The following KLHDC4 variants were observed in gnomAD, a reference collection of about 807,000 sequenced individuals.
The protein encoded by KLHDC4 is kelch domain containing 4, also known as kelch domain-containing protein 4.
In KLHDC4, 90 loss-of-function variants were observed where a neutral mutation model predicts 62.4. The observed-to-expected ratio is 1.44, with a 90% CI of 1.22 to 1.72. The LOEUF is 1.72. Ranked by LOEUF, KLHDC4 falls within the 40% of genes most tolerant of loss-of-function variation. The pLI, the probability that KLHDC4 is intolerant of heterozygous loss-of-function variation, is 0.00. For synonymous variants in KLHDC4, 386 were observed against 284.4 expected (o/e 1.36, Z -3.59); for missense variants, 1,025 against 699.7 (o/e 1.47, Z -5.25).
intron 5 of KLHDC4, among the ~76,000 whole-genome samples, chr16:87,732,426 G>A: frequency 6.6e-6 from 1 of 152,056 alleles, no homozygotes; most frequent in Middle Eastern, 3.2e-3. Context: ...ACTCATCTAA[G>A]TGTACATCTA....
At chr16:87,700,611 G>T (rs1350247060) in exon 1 of KLHDC4, 1 of 204,556 alleles carries the variant, frequency 4.9e-6, no homozygotes, top group Non-Finnish European at 9.8e-6. Context: ...GTGGAGGGAG[G>T]AAACAGGGTG....
At chr16:87,749,113 C>T (rs372769677) in intron 4 of KLHDC4, among the ~76,000 whole-genome samples, 1 of 151,770 alleles carries the variant, frequency 6.6e-6, no homozygotes, top group Non-Finnish European at 1.5e-5. Context: ...CTAGTTACTT[C>T]AAACATTAAC....
At chr16:87,746,142 C>T (rs1465778899) in intron 5 of KLHDC4, among the ~76,000 whole-genome samples, 2 of 152,020 alleles carry the variant, frequency 1.3e-5, no homozygotes, top group Non-Finnish European at 2.9e-5. Context: ...CGGTGGTGCA[C>T]GCCTGTAATC....
At chr16:87,757,054 A>C (rs572856061) in intron 2 of KLHDC4, among the ~76,000 whole-genome samples, 7 of 151,992 alleles carry the variant, frequency 4.6e-5, no homozygotes, top group Admixed American at 6.6e-5. Flanking sequence ...ACCTCAAGTG[A>C]TCTGCCCACC....
intron 7 of KLHDC4, among the ~76,000 whole-genome samples, chr16:87,721,984 G>C (rs1279020575): frequency 1.3e-5 from 2 of 152,130 alleles, no homozygotes; most frequent in Non-Finnish European, 2.9e-5. Context: ...CCAAAGAGCT[G>C]TGCTGGTTCC....
chr16:87,713,831 CCT>C (rs1438107483), intron 8 of KLHDC4, among the ~76,000 whole-genome samples: 1 of 152,156 alleles, frequency 6.6e-6, no homozygotes, highest in African/African-American at 2.4e-5. Context: ...TGATTGTTCC[CCT>C]GTGCTTTAGT....
chr16:87,709,113 T>C (rs770195866), intron 10 of KLHDC4, 152 bp downstream of exon 10: 19 of 1,015,420 alleles, frequency 1.9e-5, no homozygotes, highest in Non-Finnish European at 2.6e-5. Context: ...GGTCCTGTTC[T>C]CCGTCAATCT....
chr16:87,763,723 C>T (rs556266171), intron 1 of KLHDC4: 3 of 152,348 alleles, frequency 2.0e-5, no homozygotes, highest in South Asian at 2.1e-4. Flanking sequence ...CTATGTACCG[C>T]GAAAGCTTTG....
At chr16:87,715,335 C>T (rs1023954355) in intron 7 of KLHDC4, among the ~76,000 whole-genome samples, 2 of 152,196 alleles carry the variant, frequency 1.3e-5, no homozygotes, top group African/African-American at 4.8e-5. Flanking sequence ...AGCTCTCACA[C>T]GCCCACACCA....
chr16:87,728,113 C>G (rs4843685), intron 6 of KLHDC4, among the ~76,000 whole-genome samples: 25,794 of 152,006 alleles, frequency 0.17, 2,203 homozygotes, highest in South Asian at 0.22. Flanking sequence ...TTTGAACCTA[C>G]GAGGTGGAGG....
At chr16:87,706,478 CGAG>C (rs1567638426), downstream of KLHDC4, among the ~76,000 whole-genome samples, 1 of 151,678 alleles carries the variant, frequency 6.6e-6, no homozygotes, top group Non-Finnish European at 1.5e-5. Flanking sequence ...CTGCAGCCCT[CGAG>C]GGGGGCGGCA....
At chr16:87,709,975 C>A (rs1209561755) in intron 9 of KLHDC4, 3 of 379,268 alleles carry the variant, frequency 7.9e-6, no homozygotes, top group Non-Finnish European at 1.4e-5. Flanking sequence ...ACCCCACACA[C>A]AGGGCACCAG....
rs547531272 is a variant in KLHDC4, at chr16:87,722,041, C to T, written c.759+4724G>A. Among the ~76,000 whole-genome samples the T allele has an allele frequency of 6.6e-5, 10 of 152,312 alleles. No homozygotes were observed. In the South Asian group the frequency reaches 1.9e-3, roughly 28 times the overall value. On this transcript the variant is annotated intron_variant, in intron 7 of 11. Transcript: ENST00000270583. ...AACTCCCCCTCTCCAGAAGCTCCCA[C>T]GACACCGGAAGCACATACTAAGGAC...
chr16:87,751,777 T>C (rs2043986713), intron 4 of KLHDC4, among the ~76,000 whole-genome samples: 1 of 151,532 alleles, frequency 6.6e-6, no homozygotes, highest in African/African-American at 2.4e-5. Flanking sequence ...AAAGCCATTC[T>C]TAAAAAATGA....
At chr16:87,748,483 C>A (rs1159518391) in intron 5 of KLHDC4, among the ~76,000 whole-genome samples, 190 bp downstream of exon 5, 1 of 152,160 alleles carries the variant, frequency 6.6e-6, no homozygotes, top group African/African-American at 2.4e-5. Flanking sequence ...CCCCCACACC[C>A]GGCCCAGGCT....
chr16:87,702,396 C>T (rs891670647), exon 1 of KLHDC4: 2 of 400,676 alleles, frequency 5.0e-6, no homozygotes, highest in Admixed American at 2.9e-5. Flanking sequence ...CAGTGCCTGG[C>T]CCGTCCTGCA....
In KLHDC4 at chr16:87,726,753, C is replaced by A. The variant is rs1207507861; in HGVS notation, c.759+12G>T. On this transcript the variant is annotated intron_variant, in intron 7 of 11. Coordinates refer to ENST00000270583, the MANE Select transcript of KLHDC4 (RefSeq NM_017566.4). ...TCCCACGCCTTGCCTGTTTCCCCAC[C>A]CCCCGCCTTACCTGTTTCGAGTAGC... The A allele has an allele frequency of 5.2e-6, 8 of 1,544,048 alleles. No homozygotes were observed. The highest frequency in any genetic ancestry group is 1.4e-5 in the African/African-American group (1 of 70,866).
At chr16:87,759,159 C>CA (rs1343473852) in intron 2 of KLHDC4, among the ~76,000 whole-genome samples, 2 of 152,016 alleles carry the variant, frequency 1.3e-5, no homozygotes, top group African/African-American at 4.8e-5. Flanking sequence ...GCAACAAGAG[C>CA]AAAACTCTGT....
chr16:87,717,024 G>C (rs2037144218), intron 7 of KLHDC4, among the ~76,000 whole-genome samples: 1 of 152,178 alleles, frequency 6.6e-6, no homozygotes, highest in African/African-American at 2.4e-5. Context: ...TTGAGTTCAG[G>C]AGTTCAAGAC....
Sources: allele counts gnomAD v4.1 joint callset (sites outside exome capture counted in the v4.1 genomes callset), GRCh38; gene constraint gnomAD v4.1.1; transcripts MANE v1.5; gene names NCBI Gene and HGNC (gene_info 2026-07-23, HGNC 2026-07-21).